CACNA1D: variants seen among roughly 807,000 people sequenced by gnomAD.
CACNA1D encodes voltage-dependent L-type calcium channel subunit alpha-1D.
CACNA1D carries 55 observed loss-of-function variants against 257.1 expected under a neutral mutation model. The ratio of observed to expected loss-of-function variants is 0.21; its 90% CI spans 0.17 to 0.27. The LOEUF is 0.27. CACNA1D is among the 10% of genes least tolerant of loss of function. The probability of loss-of-function intolerance (pLI) is 1.00; values close to 1 mark genes in which losing one functional copy is unlikely to be tolerated. For synonymous variants in CACNA1D, 980 were observed against 1,014.9 expected, an observed-to-expected ratio of 0.97 and a Z score of 0.65; for missense variants, 1,876 against 2,784.0, an observed-to-expected ratio of 0.67 and a Z score of 7.34.
At chr3:53,610,079 C>T (rs2093564372) in intron 3 of CACNA1D, among the ~76,000 whole-genome samples, 1 of 152,066 alleles carries the variant, frequency 6.6e-6, no homozygotes, top group South Asian at 2.1e-4. Flanking sequence ...CTTTTAATTC[C>T]ATTATGATCA....
At chr3:53,627,174 C>A (rs1380652083) in intron 3 of CACNA1D, among the ~76,000 whole-genome samples, 1 of 152,198 alleles carries the variant, frequency 6.6e-6, no homozygotes, top group East Asian at 1.9e-4. Flanking sequence ...CTCACAGGTC[C>A]CAATAGGGAT....
intron 4 of CACNA1D, 90 bp from the exon 5 acceptor site, chr3:53,660,043 G>T: frequency 8.8e-7 from 1 of 1,131,884 alleles, no homozygotes. Context: ...CACAGAATTA[G>T]CCCTTTTCAA....
At chr3:53,600,994 C>T (rs368382462) in intron 3 of CACNA1D, among the ~76,000 whole-genome samples, 5 of 152,208 alleles carry the variant, frequency 3.3e-5, no homozygotes, top group African/African-American at 1.2e-4. Flanking sequence ...GGGGCACCCT[C>T]TCTAACTCCA....
chr3:53,559,121 C>T (rs1479806046), intron 3 of CACNA1D, among the ~76,000 whole-genome samples: 1 of 152,154 alleles, frequency 6.6e-6, no homozygotes, highest in Non-Finnish European at 1.5e-5. Flanking sequence ...TTCACATTCA[C>T]TCACTATTCC....
At position 53,794,052 on chromosome 3, in the gene CACNA1D, A is replaced by G. The variant is rs539957237; in HGVS notation, c.4924-6197A>G. Among the ~76,000 whole-genome samples, 8 of 152,354 alleles carry G rather than the reference A, an allele frequency of 5.3e-5. No individual in the cohort carries two copies. In the South Asian group the frequency reaches 1.7e-3, roughly 32 times the overall value. On this transcript the variant is annotated intron_variant, in intron 40 of 47. Coordinates refer to ENST00000350061, the MANE Select transcript of CACNA1D (RefSeq NM_001128840.3). ...ATACTGTTTAACAACCCAATTAAAA[A>G]TTAATCCACAGGACTATTGGGTACT... is the stretch of plus-strand genomic sequence containing the variant.
At chr3:53,808,460 C>T in intron 45 of CACNA1D, 189 bp from the exon 46 acceptor site, 2 of 645,476 alleles carry the variant, frequency 3.1e-6, no homozygotes, top group Non-Finnish European at 5.5e-6. Flanking sequence ...AAACATCCCT[C>T]ACTGGGGCTT....
intron 7 of CACNA1D, among the ~76,000 whole-genome samples, chr3:53,669,209 C>A (rs1369077851): frequency 3.9e-5 from 6 of 152,264 alleles, no homozygotes; most frequent in South Asian, 2.1e-4. Flanking sequence ...GGCCAAGGAA[C>A]CAAGCCTTCC....
Position 53,801,135 on chromosome 3 carries a change from C to T in CACNA1D, c.5118C>T (p.Thr1706=), listed in dbSNP as rs760713903. ...GAGATTCCCTTCAGCAGACCAATAC[C>T]ACCCACCGTCCCCTGCATGTCCAAA... ...DRRDSLQQTN[T]THRPLHVQRP... is the part of the protein sequence containing the mutation. The change falls in exon 42 of 48, where the codon ACC becomes ACT. Residue 1706 remains threonine (T), a synonymous_variant. Transcript: ENST00000350061. 18 of 1,613,776 alleles carry T rather than the reference C, an allele frequency of 1.1e-5. No individual in the cohort carries two copies. In the East Asian group the frequency reaches 2.7e-4, roughly 24 times the overall value.
chr3:53,747,224 G>A, intron 25 of CACNA1D, 78 bp from the exon 26 acceptor site: 1 of 1,251,290 alleles, frequency 8.0e-7, no homozygotes, highest in Non-Finnish European at 1.2e-6. Flanking sequence ...GGTTGGATTG[G>A]GGCAGTGTGT....
At chr3:53,515,308 GA>G (rs1447004100) in intron 3 of CACNA1D, among the ~76,000 whole-genome samples, 1 of 152,140 alleles carries the variant, frequency 6.6e-6, no homozygotes, top group Non-Finnish European at 1.5e-5. Flanking sequence ...CTCAGAAGAG[GA>G]AATAAAGCAG....
chr3:53,625,014 G>A (rs1405633114), intron 3 of CACNA1D, among the ~76,000 whole-genome samples: 1 of 152,190 alleles, frequency 6.6e-6, no homozygotes, highest in Non-Finnish European at 1.5e-5. Flanking sequence ...GTGCATGCAC[G>A]CTAAGGAGTA....
At chr3:53,787,929 A>G (rs2109119453) in intron 40 of CACNA1D, among the ~76,000 whole-genome samples, 1 of 152,314 alleles carries the variant, frequency 6.6e-6, no homozygotes, top group African/African-American at 2.4e-5. Flanking sequence ...AAATCTATTT[A>G]CGCCACAATT....
intron 8 of CACNA1D, among the ~76,000 whole-genome samples, chr3:53,683,259 T>C (rs905846357): frequency 2.6e-5 from 4 of 152,314 alleles, no homozygotes; most frequent in Non-Finnish European, 5.9e-5. Context: ...CTCTCCGTGC[T>C]GGGAGGTATA....
intron 3 of CACNA1D, among the ~76,000 whole-genome samples, chr3:53,515,768 A>T (rs1325609131): frequency 1.3e-5 from 2 of 152,202 alleles, no homozygotes; most frequent in African/African-American, 4.8e-5. Flanking sequence ...CACCTGTAAG[A>T]TGGGGATCAT....
At chr3:53,547,177 C>T (rs2092429885) in intron 3 of CACNA1D, among the ~76,000 whole-genome samples, 1 of 152,124 alleles carries the variant, frequency 6.6e-6, no homozygotes, top group Non-Finnish European at 1.5e-5. Context: ...GTCCAGTGCA[C>T]CTGTCATTGT....
intron 3 of CACNA1D, among the ~76,000 whole-genome samples, chr3:53,545,420 A>G (rs1250663812): frequency 1.3e-5 from 2 of 152,214 alleles, no homozygotes; most frequent in South Asian, 2.1e-4. Flanking sequence ...TGTGGTGTGT[A>G]AAACGGATGT....
At chr3:53,546,056 G>A (rs2092405490) in intron 3 of CACNA1D, among the ~76,000 whole-genome samples, 1 of 152,144 alleles carries the variant, frequency 6.6e-6, no homozygotes, top group Non-Finnish European at 1.5e-5. Flanking sequence ...CGTGGATGGG[G>A]GAAGGAGAAG....
At chr3:53,786,299 G>GA (rs1186293864) in intron 39 of CACNA1D, 1 of 162,420 alleles carries the variant, frequency 6.2e-6, no homozygotes, top group Non-Finnish European at 1.3e-5. Context: ...GGGAGCTCAT[G>GA]AAAATCTGAA....
intron 3 of CACNA1D, among the ~76,000 whole-genome samples, chr3:53,615,899 CG>C (rs1267178603): frequency 1.3e-5 from 2 of 152,156 alleles, no homozygotes; most frequent in Admixed American, 6.5e-5. Flanking sequence ...GACACTGTAT[CG>C]ATAGCAGGTT....
Sources: allele counts gnomAD v4.1 joint callset (sites outside exome capture counted in the v4.1 genomes callset), GRCh38; gene constraint gnomAD v4.1.1; transcripts MANE v1.5; gene names NCBI Gene and HGNC (gene_info 2026-07-23, HGNC 2026-07-21).